The following MYNN variants were observed in gnomAD, a reference collection of about 807,000 sequenced individuals.
MYNN encodes zinc finger and BTB domain-containing protein 31.
A neutral mutation model predicts 57.2 loss-of-function variants in MYNN; 22 were observed. The ratio of observed to expected loss-of-function variants is 0.38; its 90% confidence interval spans 0.27 to 0.55. The LOEUF is 0.55. MYNN is among the 20% of genes least tolerant of loss of function. The pLI is 0.71. For synonymous variants in MYNN, 241 were observed against 257.1 expected, an observed-to-expected ratio of 0.94 and a Z score of 0.60; for missense variants, 566 against 723.1, an observed-to-expected ratio of 0.78 and a Z score of 2.49.
chr3:169,784,569 T>G, intron 6 of MYNN, 53 bp from the exon 7 acceptor site: 1 of 1,200,612 alleles, frequency 8.3e-7, no homozygotes, highest in Non-Finnish European at 1.2e-6. Flanking sequence ...TATTTTTGTC[T>G]TAGCTAGCAG....
chr3:169,783,224 A>G lies in MYNN; in HGVS notation c.1400-253A>G, dbSNP rs9874233. Among the ~76,000 whole-genome samples, 838 of 152,238 alleles carry G rather than the reference A, an allele frequency of 5.5e-3. 8 individuals carry two copies. The highest frequency in any genetic ancestry group is 0.019 in the African/African-American group (798 of 41,562). ...ATGTTCTTAATCATATAAAAATCAA[A>G]TTCCTTGCCCAAATCATCTCTATTA... On this transcript the variant is annotated intron_variant, in intron 5 of 7. Transcript: ENST00000349841.
intron 2 of MYNN, among the ~76,000 whole-genome samples, chr3:169,775,028 CAG>C (rs1401858718): frequency 6.6e-6 from 1 of 152,016 alleles, no homozygotes; most frequent in Non-Finnish European, 1.5e-5. Context: ...TTGGTAGAGA[CAG>C]GGTTTCACCA....
At position 169,786,826 on chromosome 3, in the gene MYNN, A is replaced by G. The variant is rs1778692467; in HGVS notation, c.*148A>G. On this transcript the variant is annotated 3_prime_UTR_variant, in exon 8 of 8. Coordinates refer to ENST00000349841, the MANE Select transcript of MYNN (RefSeq NM_018657.5). Reference sequence around the variant, plus strand: ...TAAAAGCACCTGATGCTGCATCACAACTGCAATGTTTGTTTTTATTTTTGG... The same window carrying G: ...TAAAAGCACCTGATGCTGCATCACAGCTGCAATGTTTGTTTTTATTTTTGG... 1 of 752,984 alleles carries G rather than the reference A, an allele frequency of 1.3e-6. No individual in the cohort carries two copies. Among genetic ancestry groups the G allele is most frequent in the Non-Finnish European group, 2.1e-6 (1 of 476,582 alleles). The allele number at this position is 752,984 out of a possible 1,614,324, so 46.6% of individuals were successfully genotyped here.
chr3:169,774,102 C>A, intron 1 of MYNN, 163 bp from the exon 2 acceptor site: 1 of 588,872 alleles, frequency 1.7e-6, no homozygotes, highest in Non-Finnish European at 3.0e-6. Context: ...ATCAAGGTAA[C>A]CAAAGATAGA....
Position 169,782,411 on chromosome 3 carries a change from C to A in MYNN, c.1221-54C>A. The A allele has an allele frequency of 7.1e-7, 1 of 1,414,976 alleles. No individual in the cohort carries two copies. Among genetic ancestry groups the A allele is most frequent in the South Asian group, 1.3e-5 (1 of 74,324 alleles). 87.7% of individuals were successfully genotyped at this position (1,414,976 alleles called of 1,614,324 possible). A position where few individuals can be genotyped will look rare whatever the true frequency, so the allele number is the denominator to read the frequency against. ...CTATAAAAAACTTTATGAATTCTTGCTATATAGACTGACCTCCAAATTGTT... is the reference window on the plus strand; with the variant it reads ...CTATAAAAAACTTTATGAATTCTTGATATATAGACTGACCTCCAAATTGTT... On this transcript the variant is annotated intron_variant, in intron 4 of 7. Transcript: ENST00000349841. The surrounding 1 kb of genome is among the most constrained non-coding windows in gnomAD (Gnocchi z 4.8).
At chr3:169,780,774 A>G in intron 4 of MYNN, 25 bp downstream of exon 4, 1 of 1,571,140 alleles carries the variant, frequency 6.4e-7, no homozygotes, top group Non-Finnish European at 8.6e-7. Flanking sequence ...GAGTTGTTTG[A>G]TCTTTTAGTC....
chr3:169,780,721 A>G lies in MYNN; in HGVS notation c.1192A>G (p.Thr398Ala). The G allele has an allele frequency of 3.1e-6, 5 of 1,599,752 alleles. No individual in the cohort carries two copies. Among genetic ancestry groups the G allele is most frequent in the Non-Finnish European group, 4.3e-6 (5 of 1,176,356 alleles). The change falls in exon 4 of 8, where the codon ACT becomes GCT. Residue 398 changes from threonine to alanine, a missense_variant. By Grantham distance (58) the Thr-to-Ala change is moderately conservative. This residue lies in a region of MYNN where 123 missense variants were observed against 222.6 expected (regional missense o/e 0.55). Coordinates refer to ENST00000349841, the MANE Select transcript of MYNN (RefSeq NM_018657.5). ...TGATGTATGCAACTTACAGTTTGCA[A>G]CTTCTAGCAATCTCAAGATTCATGC... ...KCDVCNLQFA[T>A]SSNLKIHARK...
chr3:169,786,005 T>C (rs1324000523), intron 7 of MYNN, among the ~76,000 whole-genome samples: 2 of 152,068 alleles, frequency 1.3e-5, no homozygotes, highest in African/African-American at 4.8e-5. Context: ...CTGTTTAATA[T>C]TTTGAGGGAG....
At position 169,778,959 on chromosome 3, in the gene MYNN, G is replaced by A. The variant is rs758960260; in HGVS notation, c.458G>A (p.Arg153Gln). Residue 153 changes from arginine (R) to glutamine (Q), a missense_variant, in exon 3 of 8, where the codon CGA (arginine) becomes CAA (glutamine). This residue lies in a region of MYNN where 261 missense variants were observed against 280.8 expected (regional missense o/e 0.93). Coordinates refer to ENST00000349841, the MANE Select transcript of MYNN (RefSeq NM_018657.5). Reference sequence around the variant, plus strand: ...CTTACTCTGCGAGATTATAATAATCGAGAGAAATCAGAAGTATCTACAGAT... The same window carrying A: ...CTTACTCTGCGAGATTATAATAATCAAGAGAAATCAGAAGTATCTACAGAT... ...CLLTLRDYNNREKSEVSTDLI... is the reference protein window; with the variant it reads ...CLLTLRDYNNQEKSEVSTDLI... 2.5e-5 allele frequency: 41 copies of A among 1,613,694 alleles called. No individual in the cohort carries two copies. Among genetic ancestry groups the A allele is most frequent in the Non-Finnish European group, 3.1e-5 (37 of 1,179,978 alleles).
Position 169,774,333 on chromosome 3 carries a change from G to A in MYNN, c.38G>A (p.Arg13Lys). The A allele has an allele frequency of 1.2e-6, 2 of 1,614,114 alleles. No individual in the cohort carries two copies. The highest frequency in any genetic ancestry group is 1.3e-5 in the African/African-American group (1 of 75,046). ...CACCACTGTGAGCACCTTTTAGAGA[G>A]ACTGAACAAACAGCGGGAAGCAGGT... ...YSHHCEHLLE[R>K]LNKQREAGFL... Residue 13 changes from arginine (R) to lysine (K), a missense_variant, in exon 2 of 8, where the codon AGA becomes AAA. Arg to Lys is a conservative substitution (Grantham distance 26). Coordinates refer to ENST00000349841, the MANE Select transcript of MYNN (RefSeq NM_018657.5).
intron 2 of MYNN, among the ~76,000 whole-genome samples, chr3:169,775,845 CTT>C (rs1299715611): frequency 3.3e-5 from 5 of 152,052 alleles, no homozygotes; most frequent in Non-Finnish European, 1.5e-5. Flanking sequence ...TATATTGTAA[CTT>C]ATCATGGAAA....
rs1042265090 is a variant in MYNN, at chr3:169,789,085, G to T, written c.*2407G>T. 6.6e-6 allele frequency: 1 copy of T among 151,942 alleles called. No homozygotes were observed. Among genetic ancestry groups the T allele is most frequent in the Non-Finnish European group, 1.5e-5 (1 of 67,966 alleles). 9.4% of individuals were successfully genotyped at this position (151,942 alleles called of 1,614,324 possible). A position where few individuals can be genotyped will look rare whatever the true frequency, so the allele number is the denominator to read the frequency against. ...TTCTAAATAAATTTAATTTTCTTTT[G>T]TATTTGTATCAGATCATGCCTACTG... On this transcript the variant is annotated 3_prime_UTR_variant, in exon 8 of 8. Transcript: ENST00000349841.
chr3:169,786,586 G>A lies in MYNN; in HGVS notation c.1741G>A (p.Asp581Asn). The A allele has an allele frequency of 1.2e-6, 2 of 1,613,652 alleles. No individual in the cohort carries two copies. Among genetic ancestry groups the A allele is most frequent in the Non-Finnish European group, 8.5e-7 (1 of 1,179,642 alleles). Residue 581 changes from aspartate to asparagine, a missense_variant, in exon 8 of 8, where the codon GAT becomes AAT. Around this residue, in one of 4 missense-constraint regions of MYNN, gnomAD observed 156 missense variants for 163.9 expected, o/e 0.95. Coordinates refer to ENST00000349841, the MANE Select transcript of MYNN (RefSeq NM_018657.5). ...CCATCACATGCTTCTGCCTGTCACGGATACTCAGTCTCCTACATCAGATAC... is the reference window on the plus strand; with the variant it reads ...CCATCACATGCTTCTGCCTGTCACGAATACTCAGTCTCCTACATCAGATAC... ...EDHHMLLPVT[D>N]TQSPTSDTLL... is the part of the protein sequence containing the mutation.
At chr3:169,773,713 T>G (rs1368283964) in intron 1 of MYNN, among the ~76,000 whole-genome samples, 1 of 151,950 alleles carries the variant, frequency 6.6e-6, no homozygotes, top group African/African-American at 2.4e-5. Context: ...CCGCCTCGCG[T>G]AGAGAGTGGG....
Position 169,774,291 on chromosome 3 carries a change from T to C in MYNN, c.-5T>C, listed in dbSNP as rs1295683362. On this transcript the variant is annotated 5_prime_UTR_variant, in exon 2 of 8. Coordinates refer to ENST00000349841, the MANE Select transcript of MYNN (RefSeq NM_018657.5). ...TCAAGGGTAAAATTCCATTCTGATA[T>C]CAAAATGCAGTATTCGCACCACTGT... 1.2e-6 allele frequency: 2 copies of C among 1,611,062 alleles called. No individual in the cohort carries two copies. Among genetic ancestry groups the C allele is most frequent in the African/African-American group, 1.3e-5 (1 of 74,972 alleles).
chr3:169,785,684 T>C (rs1467582044), intron 7 of MYNN, among the ~76,000 whole-genome samples: 1 of 151,994 alleles, frequency 6.6e-6, no homozygotes, highest in Non-Finnish European at 1.5e-5. Flanking sequence ...CCTTAGCTAG[T>C]TGAAGTGAAG....
chr3:169,779,624 G>C, intron 3 of MYNN, 63 bp downstream of exon 3: 1 of 1,497,504 alleles, frequency 6.7e-7, no homozygotes. Flanking sequence ...TATTTTTATA[G>C]AGAGTACTTA....
rs1163028601 is a variant in MYNN at position 169,788,466 on chromosome 3, TA to T, written c.*1792del. On this transcript the variant is annotated 3_prime_UTR_variant, in exon 8 of 8. Coordinates refer to ENST00000349841, the MANE Select transcript of MYNN (RefSeq NM_018657.5). ...GGAATGTGAAGAAATTATAGAAAAT[TA>T]AAAGACTCAGCCTCTTTAGGAAGTT... 1.3e-5 allele frequency: 2 copies of T among 152,148 alleles called. No homozygotes were observed. The highest frequency in any genetic ancestry group is 2.9e-5 in the Non-Finnish European group (2 of 67,970). The allele number at this position is 152,148 out of a possible 1,614,324, so 9.4% of individuals were successfully genotyped here. A position where few individuals can be genotyped will look rare whatever the true frequency, so the allele number is the denominator to read the frequency against.
At position 169,779,066 on chromosome 3, in the gene MYNN, C is replaced by G. The variant is rs771498796; in HGVS notation, c.565C>G (p.Pro189Ala). The G allele has an allele frequency of 6.2e-7, 1 of 1,614,106 alleles. No individual in the cohort carries two copies. The highest frequency in any genetic ancestry group is 8.5e-7 in the Non-Finnish European group (1 of 1,180,034). The change falls in exon 3 of 8, where the codon CCG becomes GCG. Residue 189 changes from proline (P) to alanine (A), a missense_variant. Around this residue, in one of 4 missense-constraint regions of MYNN, gnomAD observed 261 missense variants for 280.8 expected, o/e 0.93. Transcript: ENST00000349841. ...TKKKKKAFNS[P>A]KTGQNKTVQY... ...AAAGAAGAAGAAGGCTTTCAACTCCCCGAAAACAGGGCAGAATAAAACAGT... is the reference window on the plus strand; with the variant it reads ...AAAGAAGAAGAAGGCTTTCAACTCCGCGAAAACAGGGCAGAATAAAACAGT...
Sources: allele counts gnomAD v4.1 joint callset (sites outside exome capture counted in the v4.1 genomes callset), GRCh38; gene constraint gnomAD v4.1.1; regional missense constraint gnomAD v4.1.1; non-coding constraint Gnocchi (gnomAD v3.1); transcripts MANE v1.5; gene names NCBI Gene and HGNC (gene_info 2026-07-23, HGNC 2026-07-21).